The following LRRC9 variants were observed in gnomAD, a reference collection of about 807,000 sequenced individuals.
The protein encoded by LRRC9 is leucine rich repeat containing 9.
Under a neutral mutation model 63.2 loss-of-function variants are expected in LRRC9, and 122 were observed. The observed-to-expected ratio is 1.93, with a 90% confidence interval of 1.67 to 2.24. The LOEUF is 2.24. LRRC9 is among the 30% of genes most tolerant of loss of function. LRRC9 has a pLI of 0.00. For missense variants in LRRC9, 1,071 were observed against 627.7 expected (o/e 1.71, Z -7.55); for synonymous variants, 366 against 213.1 (o/e 1.72, Z -6.25).
chr14:59,987,563 G>T (rs1887621118), intron 17 of LRRC9, among the ~76,000 whole-genome samples: 1 of 151,300 alleles, frequency 6.6e-6, no homozygotes, highest in Non-Finnish European at 1.5e-5. Context: ...CAGCAGCCTG[G>T]GATTTGCTTA....
At chr14:60,043,827 G>A (rs1893179238) in intron 29 of LRRC9, among the ~76,000 whole-genome samples, 1 of 124,180 alleles carries the variant, frequency 8.1e-6, no homozygotes, top group Admixed American at 9.3e-5. Context: ...CTTGTAGAAT[G>A]AGTTTGGAAG....
rs1455107781 is a variant in LRRC9 at position 60,027,784 on chromosome 14, T to C, written c.3704-100T>C. On this transcript the variant is annotated intron_variant, in intron 27 of 31. Transcript: ENST00000445360. This position sits in a 1 kb window ranked among gnomAD's most constrained non-coding sequence, Gnocchi z 4.0. ...AGTTTCTTGAATCCTTTACTTCTTT[T>C]GACAAATCATCTGATTAAAAAATAT... The C allele has an allele frequency of 1.9e-6, 1 of 524,486 alleles. No individual in the cohort carries two copies. The highest frequency in any genetic ancestry group is 3.6e-5 in the Admixed American group (1 of 27,470). The allele number at this position is 524,486 out of a possible 1,614,324, so 32.5% of individuals were successfully genotyped here.
At chr14:60,009,790 T>C (rs1890112793) in intron 23 of LRRC9, among the ~76,000 whole-genome samples, 1 of 152,114 alleles carries the variant, frequency 6.6e-6, no homozygotes, top group African/African-American at 2.4e-5. Flanking sequence ...ATTGGGTAAA[T>C]ACACCCATTC....
chr14:60,040,374 A>G (rs1204731567), intron 29 of LRRC9, among the ~76,000 whole-genome samples: 1 of 151,862 alleles, frequency 6.6e-6, no homozygotes, highest in Non-Finnish European at 1.5e-5. Flanking sequence ...AAAGTCTCCC[A>G]TTATTATTGT....
At chr14:60,025,054 GGTTT>G (rs953515171) in intron 27 of LRRC9, among the ~76,000 whole-genome samples, 2 of 149,256 alleles carry the variant, frequency 1.3e-5, no homozygotes, top group Non-Finnish European at 3.0e-5. Context: ...TTTTTCGGTT[GGTTT>G]TTTGTTTTTG....
chr14:60,008,092 G>C, exon 23 of LRRC9: 1 of 688,156 alleles, frequency 1.5e-6, no homozygotes, highest in South Asian at 1.5e-5. Context: ...TATTACCTAG[G>C]GTTTATGCAA....
In LRRC9 at chr14:59,928,301, G is replaced by T; in HGVS notation, c.82G>T (p.Gly28Ter). Residue 28 changes from glycine (G) to a stop codon, truncating the protein, a stop_gained, in exon 3 of 32, where the codon GGA becomes TGA. Coordinates refer to ENST00000445360, the Ensembl canonical transcript of LRRC9. LOFTEE classifies it high-confidence loss of function. ...CAATGGCTTATCTTATGAGATGGTTGGACAAGAAGGATCAGATACATCAAA... is the reference window on the plus strand; with the variant it reads ...CAATGGCTTATCTTATGAGATGGTTTGACAAGAAGGATCAGATACATCAAA... 1 of 634,038 alleles carries T rather than the reference G, an allele frequency of 1.6e-6. No individual in the cohort carries two copies. The highest frequency in any genetic ancestry group is 2.8e-6 in the Non-Finnish European group (1 of 357,328). The allele number at this position is 634,038 out of a possible 1,614,324, so 39.3% of individuals were successfully genotyped here.
intron 1 of LRRC9, among the ~76,000 whole-genome samples, chr14:59,926,135 G>A (rs1443853508): frequency 2.0e-5 from 3 of 152,034 alleles, no homozygotes; most frequent in Non-Finnish European, 1.5e-5. Context: ...ATCCAGTCTC[G>A]GGCATGTGTT....
intron 12 of LRRC9, among the ~76,000 whole-genome samples, chr14:59,967,663 T>C (rs1007779680): frequency 3.3e-5 from 5 of 152,246 alleles, no homozygotes; most frequent in Admixed American, 3.3e-4. Flanking sequence ...TGCTTTATCA[T>C]TGGTCACTTC....
Position 59,986,130 on chromosome 14 carries a change from G to C in LRRC9, c.2211+906G>C, listed in dbSNP as rs1307966776. 1.3e-5 allele frequency among the ~76,000 whole-genome samples: 2 copies of C among 152,048 alleles called. No individual in the cohort carries two copies. Among genetic ancestry groups the C allele is most frequent in the African/African-American group, 4.8e-5 (2 of 41,374 alleles). Reference sequence around the variant, plus strand: ...CACATGCATAGATCTTGTTGAATTTGTGTTTGCCTTCTTGTATATCATAGG... The same window carrying C: ...CACATGCATAGATCTTGTTGAATTTCTGTTTGCCTTCTTGTATATCATAGG... On this transcript the variant is annotated intron_variant, in intron 17 of 31. Transcript: ENST00000445360. This position sits in a 1 kb window ranked among gnomAD's most constrained non-coding sequence, Gnocchi z 4.7.
intron 29 of LRRC9, among the ~76,000 whole-genome samples, chr14:60,045,040 C>T (rs1342458631): frequency 7.9e-6 from 1 of 127,146 alleles, no homozygotes; most frequent in Non-Finnish European, 1.6e-5. Context: ...TTATATAATG[C>T]CTTTCCTTGT....
Position 59,973,038 on chromosome 14 carries a change from G to A in LRRC9, c.1507-1538G>A, listed in dbSNP as rs544175987. 1.1e-3 allele frequency among the ~76,000 whole-genome samples: 163 copies of A among 152,152 alleles called. 3 individuals carry two copies. In the South Asian group the frequency reaches 0.032, roughly 30 times the overall value. ...TCTGTATTTATAGAGTAGATTCTTA[G>A]TAGAAATCTAGTGAAGGAATTGATG... is the stretch of plus-strand genomic sequence containing the variant. On this transcript the variant is annotated intron_variant, in intron 12 of 31. Transcript: ENST00000445360.
chr14:60,006,586 T>C (rs1869312179), exon 22 of LRRC9: 1 of 693,430 alleles, frequency 1.4e-6, no homozygotes, highest in Admixed American at 2.1e-5. Context: ...AATAACTATA[T>C]TGCTGTCAAT....
In LRRC9 at chr14:60,017,719, A is replaced by G. The variant is rs142650801; in HGVS notation, c.3318-652A>G. On this transcript the variant is annotated intron_variant, in intron 24 of 31. Transcript: ENST00000445360. This position sits in a 1 kb window ranked among gnomAD's most constrained non-coding sequence, Gnocchi z 4.0. ...AAAGTATGTCATAATTGTAACTTCA[A>G]GTTTAGGATTTATTTAGAGAACTGG... Among the ~76,000 whole-genome samples, 2 of 152,228 alleles carry G rather than the reference A, an allele frequency of 1.3e-5. No homozygotes were observed. Among genetic ancestry groups the G allele is most frequent in the African/African-American group, 2.4e-5 (1 of 41,556 alleles).
At chr14:60,006,928 T>C (rs1889855507) in intron 22 of LRRC9, among the ~76,000 whole-genome samples, 1 of 152,296 alleles carries the variant, frequency 6.6e-6, no homozygotes, top group South Asian at 2.1e-4. Context: ...ACTGTTCTCT[T>C]ACCAGTGGCT....
exon 9 of LRRC9, chr14:59,959,972 C>A: frequency 2.9e-6 from 2 of 685,492 alleles, no homozygotes; most frequent in South Asian, 1.6e-5. Context: ...AAACTAAATG[C>A]CTTGAATGAA....
At chr14:59,955,664 T>A (rs989393258) in intron 8 of LRRC9, among the ~76,000 whole-genome samples, 52 of 152,180 alleles carry the variant, frequency 3.4e-4, no homozygotes, top group African/African-American at 1.2e-3. Context: ...CTGATCTTAG[T>A]TATTTGCCTT....
chr14:60,055,463 A>G (rs1894199912), intron 30 of LRRC9, among the ~76,000 whole-genome samples: 1 of 152,204 alleles, frequency 6.6e-6, no homozygotes, highest in African/African-American at 2.4e-5. Flanking sequence ...TTCTTGAAAA[A>G]TGTATGCCAC....
At chr14:60,037,086 G>C (rs1215828825) in intron 29 of LRRC9, among the ~76,000 whole-genome samples, 2 of 152,130 alleles carry the variant, frequency 1.3e-5, no homozygotes, top group Non-Finnish European at 2.9e-5. Context: ...CCCTACAAAG[G>C]ACATGAACTC....
Sources: allele counts gnomAD v4.1 joint callset (sites outside exome capture counted in the v4.1 genomes callset), GRCh38; gene constraint gnomAD v4.1.1; non-coding constraint Gnocchi (gnomAD v3.1); transcripts MANE v1.5; gene names NCBI Gene and HGNC (gene_info 2026-07-23, HGNC 2026-07-21).